Variants in DIAPH3 observed in about 807,000 individuals in gnomAD.
The protein encoded by DIAPH3 is diaphanous related formin 3.
DIAPH3 carries 117 observed loss-of-function variants against 144.3 expected under a neutral mutation model. The observed-to-expected ratio is 0.81, with a 90% CI of 0.70 to 0.95. DIAPH3 has a LOEUF of 0.95. Among genes scored for constraint, DIAPH3 ranks in the 40% least tolerant of loss-of-function variants. DIAPH3 has a pLI of 0.00. For synonymous variants in DIAPH3, 519 were observed against 488.9 expected, an observed-to-expected ratio of 1.06 and a Z score of -0.81; for missense variants, 1,421 against 1,412.7, an observed-to-expected ratio of 1.01 and a Z score of -0.09.
intron 27 of DIAPH3, among the ~76,000 whole-genome samples, chr13:59,756,938 AAAT>A (rs1489015993): frequency 6.6e-6 from 1 of 152,232 alleles, no homozygotes; most frequent in African/African-American, 2.4e-5. Context: ...AAGAAAGAGG[AAAT>A]AATAATATTG....
chr13:59,839,513 C>T (rs1429326231), intron 22 of DIAPH3, 65 bp from the exon 23 acceptor site: 3 of 1,470,752 alleles, frequency 2.0e-6, no homozygotes, highest in Non-Finnish European at 2.8e-6. Context: ...GTAAGACACC[C>T]TAGAAACAAA....
In DIAPH3 at chr13:59,666,597, A is replaced by C. The variant is rs1489570178; in HGVS notation, c.3569T>G (p.Leu1190Ter). ...VPEVEALLAR[L>*]RAL ...AACCAGTTTAACTTATAAAGCTCGT[A>C]ATCTTGCCAGCAGGGCTTCAACTTC... is the stretch of plus-strand genomic sequence containing the variant. Residue 1190 changes from leucine to a stop codon, truncating the protein, a stop_gained, in exon 28 of 28, where the codon TTA becomes TGA. Transcript: ENST00000400324. LOFTEE classifies it high-confidence loss of function. 6.2e-7 allele frequency: 1 copy of C among 1,614,134 alleles called. No individual in the cohort carries two copies. Among genetic ancestry groups the C allele is most frequent in the South Asian group, 1.1e-5 (1 of 91,080 alleles).
At chr13:59,711,287 T>G (rs994572702) in intron 27 of DIAPH3, among the ~76,000 whole-genome samples, 4 of 152,152 alleles carry the variant, frequency 2.6e-5, no homozygotes, top group African/African-American at 4.8e-5. Flanking sequence ...AAGCTTGGAG[T>G]GGCTTTCTTA....
At chr13:59,813,437 A>G (rs1185867842) in intron 24 of DIAPH3, among the ~76,000 whole-genome samples, 1 of 152,042 alleles carries the variant, frequency 6.6e-6, no homozygotes, top group Non-Finnish European at 1.5e-5. Context: ...CTGTAATAAA[A>G]GTAGTAAGAG....
At chr13:59,829,935 G>T (rs1217274956) in intron 24 of DIAPH3, among the ~76,000 whole-genome samples, 1 of 151,828 alleles carries the variant, frequency 6.6e-6, no homozygotes, top group East Asian at 1.9e-4. Flanking sequence ...TATGATAAAA[G>T]CTCATTCATG....
At chr13:59,890,618 A>G (rs1039218178) in intron 20 of DIAPH3, among the ~76,000 whole-genome samples, 2 of 151,944 alleles carry the variant, frequency 1.3e-5, no homozygotes, top group African/African-American at 4.8e-5. Flanking sequence ...CAAATTAAAC[A>G]TGCTGTCCAC....
intron 2 of DIAPH3, among the ~76,000 whole-genome samples, chr13:60,120,681 C>T (rs1000370652): frequency 6.6e-6 from 1 of 152,134 alleles, no homozygotes; most frequent in African/African-American, 2.4e-5. Context: ...AGCTGTCATG[C>T]CATGGAGCAG....
chr13:59,956,997 G>A (rs909520001), intron 17 of DIAPH3, among the ~76,000 whole-genome samples: 29 of 152,264 alleles, frequency 1.9e-4, no homozygotes, highest in East Asian at 3.9e-4. Context: ...GTATTTACCC[G>A]ATGCATGTAC....
chr13:60,083,907 A>AGATG (rs61418371), intron 4 of DIAPH3, among the ~76,000 whole-genome samples: 3,698 of 145,650 alleles, frequency 0.025, 67 homozygotes, highest in Non-Finnish European at 0.031. Flanking sequence ...ATGGATGGAC[A>AGATG]GATGGATGGA....
At chr13:59,890,031 T>G (rs73543272) in intron 20 of DIAPH3, among the ~76,000 whole-genome samples, 1 of 152,042 alleles carries the variant, frequency 6.6e-6, no homozygotes, top group Non-Finnish European at 1.5e-5. Flanking sequence ...GTTAAGATGA[T>G]CTCTGTAATT....
At chr13:59,853,038 G>A (rs1338149974) in intron 22 of DIAPH3, among the ~76,000 whole-genome samples, 1 of 151,924 alleles carries the variant, frequency 6.6e-6, no homozygotes, top group Non-Finnish European at 1.5e-5. Flanking sequence ...CAAACATCTG[G>A]GTTAAGTACT....
intron 20 of DIAPH3, among the ~76,000 whole-genome samples, chr13:59,888,706 T>C (rs2045603484): frequency 6.6e-6 from 1 of 151,990 alleles, no homozygotes; most frequent in Admixed American, 6.6e-5. Flanking sequence ...AGATCTGAGT[T>C]TCCATCTGGC....
intron 13 of DIAPH3, among the ~76,000 whole-genome samples, chr13:59,981,141 ACCAAC>A (rs1475807562): frequency 5.9e-5 from 9 of 151,368 alleles, no homozygotes; most frequent in Non-Finnish European, 5.9e-5. Context: ...TGTTTCTATC[ACCAAC>A]TCGTACATAT....
chr13:59,925,015 A>T (rs778728541), intron 17 of DIAPH3, 145 bp from the exon 18 acceptor site: 1 of 1,393,378 alleles, frequency 7.2e-7, no homozygotes, highest in Non-Finnish European at 9.5e-7. Flanking sequence ...AACGATAGAT[A>T]TCCCAAGACC....
rs1008643347 is a variant in DIAPH3, at chr13:59,847,944, C to A, written c.2738-8496G>T. Among the ~76,000 whole-genome samples the A allele has an allele frequency of 2.0e-5, 3 of 152,128 alleles. No homozygotes were observed. In the South Asian group the frequency reaches 6.2e-4, roughly 32 times the overall value. On this transcript the variant is annotated intron_variant, in intron 22 of 27. Transcript: ENST00000400324. ...ACTCACTTTTCCAATTAGAATTTAT[C>A]TTCCTCCTTGACTTGCCCCTACATC...
intron 9 of DIAPH3, among the ~76,000 whole-genome samples, chr13:59,993,700 C>T (rs1429390516): frequency 5.4e-5 from 1 of 18,386 alleles, no homozygotes; most frequent in Non-Finnish European, 1.1e-4. Flanking sequence ...GAGAAACATA[C>T]TTAAAAAAAA....
At chr13:59,805,057 A>T (rs2040122940) in intron 25 of DIAPH3, among the ~76,000 whole-genome samples, 1 of 152,160 alleles carries the variant, frequency 6.6e-6, no homozygotes, top group Non-Finnish European at 1.5e-5. Context: ...CTCTTTATTT[A>T]ATAGACTGAA....
chr13:59,977,139 G>A (rs1398055236), intron 14 of DIAPH3, among the ~76,000 whole-genome samples: 2 of 151,636 alleles, frequency 1.3e-5, no homozygotes, highest in Non-Finnish European at 2.9e-5. Flanking sequence ...ACAGAATATG[G>A]TCAGTGTACT....
intron 5 of DIAPH3, among the ~76,000 whole-genome samples, chr13:60,028,162 T>C (rs2054518996): frequency 6.6e-6 from 1 of 152,148 alleles, no homozygotes; most frequent in Non-Finnish European, 1.5e-5. Flanking sequence ...CCAAGTTCCA[T>C]TCACTTGACC....
Sources: gnomAD v4.1 joint callset for allele counts (sites outside exome capture counted in the v4.1 genomes callset) on GRCh38, gnomAD v4.1.1 for gene constraint, MANE v1.5 for transcripts, NCBI Gene and HGNC (gene_info 2026-07-23, HGNC 2026-07-21) for gene names.